The following EPHA7 variants were observed in gnomAD, a reference collection of about 807,000 sequenced individuals.
EPHA7 encodes EPH receptor A7, also known as ephrin type-A receptor 7.
A neutral mutation model predicts 112.6 loss-of-function variants in EPHA7; 25 were observed. The observed-to-expected ratio is 0.22, with a 90% confidence interval of 0.16 to 0.31. The LOEUF is 0.31. EPHA7 is among the 10% of genes least tolerant of loss of function. The probability of loss-of-function intolerance (pLI) is 1.00; values close to 1 mark genes in which losing one functional copy is unlikely to be tolerated. For synonymous variants in EPHA7, 437 were observed against 406.5 expected (o/e 1.07, Z -0.90); for missense variants, 962 against 1,212.6 (o/e 0.79, Z 3.07).
chr6:93,324,193 A>T (rs164305), intron 5 of EPHA7, among the ~76,000 whole-genome samples: 66,753 of 149,860 alleles, frequency 0.45, 16,173 homozygotes, highest in African/African-American at 0.66. Context: ...GCATTAAGTT[A>T]GTCCTGGGAT....
chr6:93,392,456 A>C (rs1316155758), intron 3 of EPHA7, among the ~76,000 whole-genome samples: 1 of 152,028 alleles, frequency 6.6e-6, no homozygotes, highest in East Asian at 1.9e-4. Flanking sequence ...AAAGAAAAAA[A>C]CAGCAAATTC....
Position 93,246,782 on chromosome 6 carries a change from C to G in EPHA7, c.2726+10G>C, listed in dbSNP as rs1226792925. 1 of 1,588,970 alleles carries G rather than the reference C, an allele frequency of 6.3e-7. No individual in the cohort carries two copies. On this transcript the variant is annotated intron_variant, in intron 15 of 16. Coordinates refer to ENST00000369303, the MANE Select transcript of EPHA7 (RefSeq NM_004440.4). ...TTCTCCCAGATTCCATTCCCTTAGG[C>G]ATTTCTTACCTACTACAAGTTCCCA...
intron 3 of EPHA7, among the ~76,000 whole-genome samples, chr6:93,389,647 T>C (rs1411390431): frequency 6.6e-6 from 1 of 152,010 alleles, no homozygotes; most frequent in Non-Finnish European, 1.5e-5. Flanking sequence ...GAACAAACGT[T>C]GGAATAAATT....
intron 3 of EPHA7, among the ~76,000 whole-genome samples, chr6:93,408,581 G>A (rs1778827194): frequency 6.6e-6 from 1 of 152,046 alleles, no homozygotes; most frequent in Admixed American, 6.6e-5. Flanking sequence ...GACATAAAAG[G>A]AGACTGCTAA....
rs145700620 is a variant in EPHA7 at position 93,254,732 on chromosome 6, G to T, written c.2447C>A (p.Ala816Asp). The change falls in exon 14 of 17, where the codon GCC becomes GAC. Residue 816 changes from alanine to aspartate, a missense_variant. Physicochemically the swap from Ala to Asp is moderately radical, Grantham distance 126 (BLOSUM62 -2). Transcript: ENST00000369303. ...EAIQYRKFTS[A>D]SDVWSYGIVM... Reference sequence around the variant, plus strand: ...TATTCCATAGCTCCATACATCACTGGCTGATGTGAATTTCCGGTACTGGAT... The same window carrying T: ...TATTCCATAGCTCCATACATCACTGTCTGATGTGAATTTCCGGTACTGGAT... 1 of 1,613,010 alleles carries T rather than the reference G, an allele frequency of 6.2e-7. No homozygotes were observed. Among genetic ancestry groups the T allele is most frequent in the East Asian group, 2.2e-5 (1 of 44,838 alleles).
chr6:93,388,145 C>T (rs989297303), intron 3 of EPHA7, among the ~76,000 whole-genome samples: 1 of 152,112 alleles, frequency 6.6e-6, no homozygotes, highest in African/African-American at 2.4e-5. Context: ...ACATGTATCA[C>T]ATTACTTTGT....
At chr6:93,289,813 CA>C (rs1320122007) in intron 5 of EPHA7, among the ~76,000 whole-genome samples, 1 of 152,064 alleles carries the variant, frequency 6.6e-6, no homozygotes, top group Non-Finnish European at 1.5e-5. Context: ...ACATATAACA[CA>C]CTTACTAATA....
chr6:93,410,726 T>C lies in EPHA7; in HGVS notation c.607A>G (p.Lys203Glu). 6.2e-7 allele frequency: 1 copy of C among 1,614,026 alleles called. No individual in the cohort carries two copies. The highest frequency in any genetic ancestry group is 8.5e-7 in the Non-Finnish European group (1 of 1,179,952). Residue 203 changes from lysine to glutamate, a missense_variant, in exon 3 of 17, where the codon AAG becomes GAG. Coordinates refer to ENST00000369303, the MANE Select transcript of EPHA7 (RefSeq NM_004440.4). The surrounding 1 kb of genome is among the most constrained non-coding windows in gnomAD (Gnocchi z 4.0). ...TTCTCAATAATGGACCAGCACTTCTTGTAGTACACTTTGACAGAAACCAAA... is the reference window on the plus strand; with the variant it reads ...TTCTCAATAATGGACCAGCACTTCTCGTAGTACACTTTGACAGAAACCAAA... ...IALVSVKVYY[K>E]KCWSIIENLA...
chr6:93,291,386 T>C (rs1349460690), intron 5 of EPHA7, among the ~76,000 whole-genome samples: 1 of 152,176 alleles, frequency 6.6e-6, no homozygotes, highest in Non-Finnish European at 1.5e-5. Context: ...AAGAGAATTA[T>C]CATTAAGCGT....
intron 5 of EPHA7, among the ~76,000 whole-genome samples, chr6:93,329,638 T>C (rs1332642400): frequency 6.6e-6 from 1 of 151,368 alleles, no homozygotes; most frequent in Admixed American, 6.6e-5. Flanking sequence ...TTGTATCCAT[T>C]ATAGAGTATG....
intron 1 of EPHA7, among the ~76,000 whole-genome samples, chr6:93,415,765 G>T (rs1779190782): frequency 1.3e-5 from 2 of 151,988 alleles, no homozygotes; most frequent in Admixed American, 1.3e-4. Flanking sequence ...TTTTAAGTAT[G>T]TCAATAGGCT....
At position 93,319,390 on chromosome 6, in the gene EPHA7, C is replaced by T. The variant is rs112854749; in HGVS notation, c.1324+37327G>A. On this transcript the variant is annotated intron_variant, in intron 5 of 16. Transcript: ENST00000369303. ...GGAGCAGGAACAGCTAGAACAAAGG[C>T]CCAAAGACAGGAACACTTCTGGTGT... Among the ~76,000 whole-genome samples, 978 of 152,052 alleles carry T rather than the reference C, an allele frequency of 6.4e-3. 11 individuals are homozygous for T. Among genetic ancestry groups the T allele is most frequent in the African/African-American group, 0.023 (936 of 41,468 alleles).
intron 5 of EPHA7, among the ~76,000 whole-genome samples, chr6:93,305,104 T>G (rs1403460051): frequency 6.6e-6 from 1 of 151,804 alleles, no homozygotes; most frequent in African/African-American, 2.4e-5. Flanking sequence ...TTTTATGTGT[T>G]TTTTTTTGTC....
At chr6:93,254,578 C>T in intron 14 of EPHA7, 69 bp downstream of exon 14, 6 of 1,323,700 alleles carry the variant, frequency 4.5e-6, no homozygotes, top group Admixed American at 2.0e-5. Flanking sequence ...GAGCCTTTAC[C>T]TACATGTTCC....
chr6:93,245,208 T>G, intron 16 of EPHA7, 90 bp downstream of exon 16: 1 of 1,236,218 alleles, frequency 8.1e-7, no homozygotes, highest in Non-Finnish European at 1.1e-6. Flanking sequence ...GGGATTCAAA[T>G]TCTTTTAATA....
chr6:93,375,892 A>T (rs1777035381), intron 3 of EPHA7, among the ~76,000 whole-genome samples: 1 of 152,160 alleles, frequency 6.6e-6, no homozygotes, highest in African/African-American at 2.4e-5. Flanking sequence ...CATTTTCCTC[A>T]TTCATGATCA....
chr6:93,313,591 G>T (rs1773647198), intron 5 of EPHA7, among the ~76,000 whole-genome samples: 1 of 151,678 alleles, frequency 6.6e-6, no homozygotes, highest in South Asian at 2.1e-4. Context: ...TAACTAAGCA[G>T]AATAAAATAC....
At chr6:93,305,480 T>C (rs1291817750) in intron 5 of EPHA7, among the ~76,000 whole-genome samples, 1 of 151,896 alleles carries the variant, frequency 6.6e-6, no homozygotes, top group Non-Finnish European at 1.5e-5. Flanking sequence ...TAAAAGCCAC[T>C]CAGGCAATTC....
chr6:93,352,730 G>A (rs1040682003), intron 5 of EPHA7, among the ~76,000 whole-genome samples: 1 of 152,020 alleles, frequency 6.6e-6, no homozygotes, highest in Non-Finnish European at 1.5e-5. Context: ...CTTAAGAATG[G>A]AAAACTATGG....
Sources: allele counts gnomAD v4.1 joint callset (sites outside exome capture counted in the v4.1 genomes callset), GRCh38; gene constraint gnomAD v4.1.1; non-coding constraint Gnocchi (gnomAD v3.1); transcripts MANE v1.5; gene names NCBI Gene and HGNC (gene_info 2026-07-23, HGNC 2026-07-21).